Variants in DLGAP2 observed in about 807,000 individuals in gnomAD.
DLGAP2 encodes DLG associated protein 2, also known as disks large-associated protein 2.
A neutral mutation model predicts 100.3 loss-of-function variants in DLGAP2; 26 were observed. The observed-to-expected ratio is 0.26, with a 90% CI of 0.19 to 0.36. The LOEUF (loss-of-function observed/expected upper bound fraction) is 0.36, where lower values mean the gene tolerates loss of function less well. Ranked by LOEUF, DLGAP2 falls within the 10% of genes least tolerant of loss-of-function variation. The pLI, the probability that DLGAP2 is intolerant of heterozygous loss-of-function variation, is 1.00. For synonymous variants in DLGAP2, 886 were observed against 630.1 expected (o/e 1.41, Z -6.08); for missense variants, 1,858 against 1,453.2 (o/e 1.28, Z -4.53).
chr8:1,585,030 T>G (rs1049566544), intron 6 of DLGAP2, among the ~76,000 whole-genome samples: 5 of 100,410 alleles, frequency 5.0e-5, no homozygotes, highest in African/African-American at 2.7e-4. Context: ...AATTTTGTGC[T>G]TTACTTATTC....
intron 2 of DLGAP2, among the ~76,000 whole-genome samples, chr8:1,024,768 C>A (rs2129025868): frequency 6.6e-6 from 1 of 152,280 alleles, no homozygotes; most frequent in South Asian, 2.1e-4. Flanking sequence ...TGAAACGGAC[C>A]TTCTTATGGA....
chr8:1,108,130 C>T (rs1804836672), intron 2 of DLGAP2, among the ~76,000 whole-genome samples: 1 of 152,088 alleles, frequency 6.6e-6, no homozygotes, highest in Admixed American at 6.5e-5. Flanking sequence ...CTGGACGCTG[C>T]GCAGAAGTGG....
At chr8:1,245,927 G>A (rs572404251) in intron 2 of DLGAP2, among the ~76,000 whole-genome samples, 15 of 152,314 alleles carry the variant, frequency 9.8e-5, no homozygotes, top group African/African-American at 3.6e-4. Context: ...GGGGAGGACA[G>A]AGGCGCCTCC....
chr8:1,696,338 A>G (rs1799397770), intron 13 of DLGAP2, among the ~76,000 whole-genome samples: 1 of 152,134 alleles, frequency 6.6e-6, no homozygotes, highest in African/African-American at 2.4e-5. Flanking sequence ...CCATTGCTAC[A>G]AAATTAAAGA....
chr8:1,442,528 T>G (rs1353598457), intron 3 of DLGAP2, among the ~76,000 whole-genome samples: 1 of 136,888 alleles, frequency 7.3e-6, no homozygotes, highest in Admixed American at 7.3e-5. Flanking sequence ...CAGGCTGCTG[T>G]GGGTTCAGCC....
chr8:1,518,377 C>T (rs1189571644), intron 4 of DLGAP2, among the ~76,000 whole-genome samples: 2 of 152,056 alleles, frequency 1.3e-5, no homozygotes, highest in African/African-American at 4.8e-5. Flanking sequence ...CTGTGGCAAA[C>T]CGAGTGGAGG....
At chr8:970,878 T>C (rs974396564) in intron 2 of DLGAP2, among the ~76,000 whole-genome samples, 2 of 152,240 alleles carry the variant, frequency 1.3e-5, no homozygotes, top group Non-Finnish European at 2.9e-5. Context: ...CTTAACCTTG[T>C]TAACGATTAT....
intron 2 of DLGAP2, among the ~76,000 whole-genome samples, chr8:921,531 G>A (rs979104824): frequency 5.9e-5 from 9 of 152,238 alleles, no homozygotes; most frequent in African/African-American, 1.9e-4. Flanking sequence ...CATGCATCCC[G>A]GAACGGGAGG....
intron 4 of DLGAP2, among the ~76,000 whole-genome samples, chr8:1,513,821 A>G (rs1320797589): frequency 6.6e-6 from 1 of 152,004 alleles, no homozygotes; most frequent in African/African-American, 2.4e-5. Flanking sequence ...CGTACAGTCC[A>G]AGGTCCAACA....
At chr8:1,435,444 C>T (rs1797590068) in intron 3 of DLGAP2, among the ~76,000 whole-genome samples, 1 of 152,106 alleles carries the variant, frequency 6.6e-6, no homozygotes, top group Admixed American at 6.5e-5. Context: ...TGTCCAGTGA[C>T]CTCATAGCCG....
At chr8:1,334,408 T>C (rs1801225338) in intron 3 of DLGAP2, among the ~76,000 whole-genome samples, 1 of 152,160 alleles carries the variant, frequency 6.6e-6, no homozygotes, top group Non-Finnish European at 1.5e-5. Flanking sequence ...ATGGTGGATA[T>C]GTCAAGGAGT....
intron 1 of DLGAP2, among the ~76,000 whole-genome samples, chr8:788,412 T>A (rs936006805): frequency 2.0e-5 from 3 of 152,100 alleles, no homozygotes; most frequent in Non-Finnish European, 4.4e-5. Context: ...GTCCACGTGG[T>A]CTAGTTGAGG....
chr8:898,269 A>G (rs1398753969), intron 1 of DLGAP2, among the ~76,000 whole-genome samples: 1 of 152,018 alleles, frequency 6.6e-6, no homozygotes, highest in Non-Finnish European at 1.5e-5. Context: ...CCAGGGCTGT[A>G]GCCTCCTGCT....
At chr8:1,258,920 C>CCG in intron 3 of DLGAP2, 37 bp downstream of exon 3, 1 of 1,231,338 alleles carries the variant, frequency 8.1e-7, no homozygotes, top group Non-Finnish European at 1.0e-6. Flanking sequence ...TGGGCGGGGG[C>CCG]CGCGCGGCTC....
intron 3 of DLGAP2, among the ~76,000 whole-genome samples, chr8:1,490,965 G>A (rs1334027892): frequency 3.4e-5 from 5 of 148,434 alleles, no homozygotes; most frequent in Non-Finnish European, 7.4e-5. Context: ...CATGGCACAT[G>A]TATACATATG....
rs1798583172 is a variant in DLGAP2, at chr8:1,233,647, C to G, written c.74-25204C>G. 5.3e-5 allele frequency among the ~76,000 whole-genome samples: 8 copies of G among 152,210 alleles called. No homozygotes were observed. The South Asian group carries it at 1.7e-3, about 32-fold the overall frequency. On this transcript the variant is annotated intron_variant, in intron 2 of 14. Coordinates refer to ENST00000637795, the MANE Select transcript of DLGAP2 (RefSeq NM_001346810.2). Reference sequence around the variant, plus strand: ...GGTCCAATGGGCAAGACTTGCTAAGCTTCGTTTGTGTTTTTAGTTACTGAT... The same window carrying G: ...GGTCCAATGGGCAAGACTTGCTAAGGTTCGTTTGTGTTTTTAGTTACTGAT...
intron 3 of DLGAP2, among the ~76,000 whole-genome samples, chr8:1,429,868 C>A (rs1797361447): frequency 6.6e-6 from 1 of 150,434 alleles, no homozygotes; most frequent in Non-Finnish European, 1.5e-5. Context: ...GGTGATCTGG[C>A]CATTCATTGT....
chr8:1,313,122 G>A (rs935477984), intron 3 of DLGAP2, among the ~76,000 whole-genome samples: 16 of 152,156 alleles, frequency 1.1e-4, no homozygotes, highest in Non-Finnish European at 1.8e-4. Context: ...TTGCCCCTTT[G>A]GGGGGTGACA....
intron 1 of DLGAP2, among the ~76,000 whole-genome samples, chr8:890,557 C>A (rs775854193): frequency 1.3e-5 from 2 of 151,934 alleles, no homozygotes; most frequent in Non-Finnish European, 2.9e-5. Context: ...GCGCCTCCTC[C>A]TCCCTTCCCT....
Sources: allele counts gnomAD v4.1 joint callset (sites outside exome capture counted in the v4.1 genomes callset), GRCh38; gene constraint gnomAD v4.1.1; transcripts MANE v1.5; gene names NCBI Gene and HGNC (gene_info 2026-07-23, HGNC 2026-07-21).